The following CXXC4 variants were observed in gnomAD, a reference collection of about 807,000 sequenced individuals.
CXXC4 encodes CXXC-type zinc finger protein 4.
Under a neutral mutation model 20.5 loss-of-function variants are expected in CXXC4, and 5 were observed. That is an observed-to-expected ratio of 0.24 (90% confidence interval 0.13 to 0.51). The LOEUF (loss-of-function observed/expected upper bound fraction) is 0.51, where lower values mean the gene tolerates loss of function less well. CXXC4 is among the 20% of genes least tolerant of loss of function. The pLI is 0.97. For missense variants in CXXC4, 419 were observed against 496.4 expected, an observed-to-expected ratio of 0.84 and a Z score of 1.48; for synonymous variants, 250 against 216.4, an observed-to-expected ratio of 1.16 and a Z score of -1.36.
Position 104,491,630 on chromosome 4 carries a change from G to T in CXXC4, c.173C>A (p.Pro58Gln). Residue 58 changes from proline to glutamine, a missense_variant, in exon 2 of 3, where the codon CCA becomes CAA. Coordinates refer to ENST00000394767, the MANE Select transcript of CXXC4 (RefSeq NM_025212.4). ...GATGCGCGCGATCTTGGCCGCCTGT[G>T]GGAAGGCGCCCCCGTTGGTCTTGTA... is the stretch of plus-strand genomic sequence containing the variant. The part of the protein sequence containing the change: ...SFYKTNGGAF[P>Q]QAAKIARITT... 1 of 1,543,438 alleles carries T rather than the reference G, an allele frequency of 6.5e-7. No individual in the cohort carries two copies. Among genetic ancestry groups the T allele is most frequent in the Non-Finnish European group, 8.7e-7 (1 of 1,144,080 alleles).
intron 2 of CXXC4, among the ~76,000 whole-genome samples, chr4:104,489,357 T>A (rs576123999): frequency 6.6e-6 from 1 of 152,286 alleles, no homozygotes; most frequent in African/African-American, 2.4e-5. Flanking sequence ...AAAAAAACTG[T>A]ATCTTCTTTG....
At chr4:104,476,261 AT>A (rs1340942898) in intron 2 of CXXC4, among the ~76,000 whole-genome samples, 39 of 152,312 alleles carry the variant, frequency 2.6e-4, no homozygotes, top group African/African-American at 9.1e-4. Flanking sequence ...ACAACCTAAA[AT>A]AATAAAGAAT....
rs190665413 is a variant in CXXC4, at chr4:104,481,936, C to T, written c.1059+8808G>A. On this transcript the variant is annotated intron_variant, in intron 2 of 2. Transcript: ENST00000394767. ...TGTTAACATTGTTCAAATATAATTT[C>T]TTTCCTCACTACAGACTTGTTCAAT... Among the ~76,000 whole-genome samples, 518 of 152,276 alleles carry T rather than the reference C, an allele frequency of 3.4e-3. 3 individuals carry two copies. Among genetic ancestry groups the T allele is most frequent in the Middle Eastern group, 0.01 (3 of 294 alleles).
At chr4:104,486,707 T>C (rs910176304) in intron 2 of CXXC4, among the ~76,000 whole-genome samples, 2 of 152,154 alleles carry the variant, frequency 1.3e-5, no homozygotes, top group African/African-American at 4.8e-5. Context: ...CATTTGCATT[T>C]TATCCATAGA....
In CXXC4 at chr4:104,471,278, G is replaced by A. The variant is rs942837520; in HGVS notation, c.*1044C>T. 3.3e-5 allele frequency: 5 copies of A among 151,566 alleles called. No homozygotes were observed. The highest frequency in any genetic ancestry group is 1.2e-4 in the African/African-American group (5 of 41,314). The allele number at this position is 151,566 out of a possible 1,614,324, so 9.4% of individuals were successfully genotyped here. On this transcript the variant is annotated 3_prime_UTR_variant, in exon 3 of 3. Transcript: ENST00000394767. ...TATCATACATGAAGTTAAAACATTG[G>A]GGTAGTTTTTATTAAGATTTTTTCC...
At chr4:104,477,052 A>C (rs1346231817) in intron 2 of CXXC4, among the ~76,000 whole-genome samples, 1 of 152,186 alleles carries the variant, frequency 6.6e-6, no homozygotes, top group Non-Finnish European at 1.5e-5. Flanking sequence ...TGATACTGGA[A>C]ACCTCCACTG....
At chr4:104,485,879 A>G (rs955543733) in intron 2 of CXXC4, among the ~76,000 whole-genome samples, 8 of 152,134 alleles carry the variant, frequency 5.3e-5, no homozygotes, top group Non-Finnish European at 1.0e-4. Flanking sequence ...AGAAAAGTAG[A>G]TGACTGAGAC....
At position 104,469,912 on chromosome 4, in the gene CXXC4, C is replaced by G. The variant is rs893900309; in HGVS notation, c.*2410G>C. 6.6e-6 allele frequency: 1 copy of G among 151,784 alleles called. No individual in the cohort carries two copies. The highest frequency in any genetic ancestry group is 2.4e-5 in the African/African-American group (1 of 41,364). The allele number at this position is 151,784 out of a possible 1,614,324, so 9.4% of individuals were successfully genotyped here. A position where few individuals can be genotyped will look rare whatever the true frequency, so the allele number is the denominator to read the frequency against. ...CAGATTCATTAGTTCTTTTAGAAAG[C>G]AAACAAACAAAAGCACACCAAGACA... On this transcript the variant is annotated 3_prime_UTR_variant, in exon 3 of 3. Coordinates refer to ENST00000394767, the MANE Select transcript of CXXC4 (RefSeq NM_025212.4).
In CXXC4 at chr4:104,472,739, T is replaced by C. The variant is rs562039241; in HGVS notation, c.1060-373A>G. Among the ~76,000 whole-genome samples, 9 of 152,086 alleles carry C rather than the reference T, an allele frequency of 5.9e-5. No homozygotes were observed. In the South Asian group the frequency reaches 1.9e-3, roughly 32 times the overall value. ...TGCCTTGCAGAATGCCTACATCATT[T>C]TGAGTGGATCATCTTACCGTCAGGA... On this transcript the variant is annotated intron_variant, in intron 2 of 2. Coordinates refer to ENST00000394767, the MANE Select transcript of CXXC4 (RefSeq NM_025212.4).
intron 2 of CXXC4, among the ~76,000 whole-genome samples, chr4:104,482,338 T>C (rs1736577061): frequency 6.6e-6 from 1 of 152,146 alleles, no homozygotes; most frequent in African/African-American, 2.4e-5. Context: ...TAACTCTACA[T>C]ATAGCAGCAT....
chr4:104,484,741 C>A (rs933972264), intron 2 of CXXC4, among the ~76,000 whole-genome samples: 12 of 152,014 alleles, frequency 7.9e-5, no homozygotes, highest in Non-Finnish European at 1.5e-4. Flanking sequence ...TTAGCCCCTG[C>A]AGAGCTAAGT....
At position 104,490,833 on chromosome 4, in the gene CXXC4, T is replaced by C; in HGVS notation, c.970A>G (p.Ser324Gly). The C allele has an allele frequency of 3.1e-6, 5 of 1,614,222 alleles. No individual in the cohort carries two copies. The highest frequency in any genetic ancestry group is 4.2e-6 in the Non-Finnish European group (5 of 1,180,024). The change falls in exon 2 of 3, where the codon AGC becomes GGC. Residue 324 changes from serine to glycine, a missense_variant. This residue lies in a region of CXXC4 where 15 missense variants were observed against 63.0 expected (regional missense o/e 0.24). Transcript: ENST00000394767. ...CKRLINCGVC[S>G]SCRNRKTGHQ... ...CCCGTTTTGCGGTTCCTGCAACTGC[T>C]GCAGACGCCACAGTTGATGAGCCTC...
At chr4:104,474,098 A>G (rs1736346629) in intron 2 of CXXC4, among the ~76,000 whole-genome samples, 1 of 152,036 alleles carries the variant, frequency 6.6e-6, no homozygotes, top group African/African-American at 2.4e-5. Context: ...CAAATCATTG[A>G]TAAATGACTA....
chr4:104,474,668 T>A (rs1736358146), intron 2 of CXXC4, among the ~76,000 whole-genome samples: 1 of 152,060 alleles, frequency 6.6e-6, no homozygotes, highest in South Asian at 2.1e-4. Flanking sequence ...GCATATATAT[T>A]CATATATATT....
At chr4:104,486,334 T>C (rs1270849613) in intron 2 of CXXC4, among the ~76,000 whole-genome samples, 1 of 152,136 alleles carries the variant, frequency 6.6e-6, no homozygotes, top group Non-Finnish European at 1.5e-5. Flanking sequence ...AATCCAGTGA[T>C]GGAAAAATAA....
intron 1 of CXXC4, among the ~76,000 whole-genome samples, 186 bp from the exon 2 acceptor site, chr4:104,492,245 C>T (rs1397343499): frequency 6.9e-6 from 1 of 145,468 alleles, no homozygotes; most frequent in East Asian, 2.1e-4. Context: ...CCCCCGCTCC[C>T]TCCCTCCCCA....
chr4:104,493,594 C>T (rs935159066), intron 1 of CXXC4, among the ~76,000 whole-genome samples: 1 of 152,134 alleles, frequency 6.6e-6, no homozygotes, highest in Non-Finnish European at 1.5e-5. Flanking sequence ...AGGAACCTCA[C>T]CCCAGGCTGG....
chr4:104,479,795 C>T (rs1381194348), intron 2 of CXXC4, among the ~76,000 whole-genome samples: 2 of 141,350 alleles, frequency 1.4e-5, no homozygotes, highest in East Asian at 4.6e-4. Context: ...CCCTCTGTTC[C>T]TCCGTCCTTC....
At chr4:104,475,355 A>C (rs1477214618) in intron 2 of CXXC4, 6 of 152,094 alleles carry the variant, frequency 3.9e-5, no homozygotes, top group Admixed American at 6.6e-5. Flanking sequence ...CACACACCAG[A>C]AATTTGTATT....
Sources: allele counts gnomAD v4.1 joint callset (sites outside exome capture counted in the v4.1 genomes callset), GRCh38; gene constraint gnomAD v4.1.1; regional missense constraint gnomAD v4.1.1; transcripts MANE v1.5; gene names NCBI Gene and HGNC (gene_info 2026-07-23, HGNC 2026-07-21).